Variants in POM121C observed in about 807,000 individuals in gnomAD.
POM121C encodes nuclear envelope pore membrane protein POM 121C.
POM121C carries 20 observed loss-of-function variants against 66.4 expected under a neutral mutation model. The observed-to-expected ratio is 0.30, with a 90% CI of 0.21 to 0.44. The LOEUF (loss-of-function observed/expected upper bound fraction) is 0.44. Among genes scored for constraint, POM121C ranks in the 20% least tolerant of loss-of-function variants. The pLI is 1.00. For missense variants in POM121C, 580 were observed against 1,225.7 expected (o/e 0.47, Z 7.87); for synonymous variants, 286 against 528.0 (o/e 0.54, Z 6.28).
In POM121C at chr7:75,483,977, C is replaced by T. The variant is rs192231863; in HGVS notation, c.-458+1887G>A. Among the ~76,000 whole-genome samples, 543 of 152,258 alleles carry T rather than the reference C, an allele frequency of 3.6e-3. 2 individuals are homozygous for T. The highest frequency in any genetic ancestry group is 5.8e-3 in the Non-Finnish European group (394 of 68,016). ...ATTAGCTGGGCATGGTGGCCCACGCCTGTAATCCCTGCTACTCAGGAGGCT... is the reference window on the plus strand; with the variant it reads ...ATTAGCTGGGCATGGTGGCCCACGCTTGTAATCCCTGCTACTCAGGAGGCT... On this transcript the variant is annotated intron_variant, in intron 1 of 14. Transcript: ENST00000615331.
Position 75,422,265 on chromosome 7 carries a change from A to AG in POM121C, c.1986dup (p.Ser663LeufsTer15), listed in dbSNP as rs1789752033. On this transcript the variant is annotated frameshift_variant, in exon 13 of 15. Transcript: ENST00000615331. LOFTEE classifies it high-confidence loss of function. Reference sequence around the variant, plus strand: ...GGCTGGCTGCTGGTGGCCGGGGCGGAGGTGGCGAGGGTGCTGCCAAAACCA... The same window carrying AG: ...GGCTGGCTGCTGGTGGCCGGGGCGGAGGGTGGCGAGGGTGCTGCCAAAACCA... 6.2e-7 allele frequency: 1 copy of AG among 1,610,916 alleles called. No homozygotes were observed. Among genetic ancestry groups the AG allele is most frequent in the Non-Finnish European group, 8.5e-7 (1 of 1,179,334 alleles).
chr7:75,475,842 AACTT>A (rs1554479286), intron 1 of POM121C, among the ~76,000 whole-genome samples: 1 of 152,152 alleles, frequency 6.6e-6, no homozygotes, highest in Non-Finnish European at 1.5e-5. Context: ...AAATTATTTT[AACTT>A]TATGCCATCA....
chr7:75,429,552 A>G (rs1390999718), intron 7 of POM121C, among the ~76,000 whole-genome samples: 1 of 151,986 alleles, frequency 6.6e-6, no homozygotes, highest in Non-Finnish European at 1.5e-5. Flanking sequence ...AATCACTTGA[A>G]CCCGGGAGGT....
intron 3 of POM121C, among the ~76,000 whole-genome samples, chr7:75,447,141 A>G (rs1584681590): frequency 6.8e-6 from 1 of 147,736 alleles, no homozygotes; most frequent in Non-Finnish European, 1.5e-5. Context: ...ATAACAACCA[A>G]TCAATCCTTA....
chr7:75,469,115 T>C (rs1452711590), intron 3 of POM121C, among the ~76,000 whole-genome samples: 3 of 151,790 alleles, frequency 2.0e-5, no homozygotes, highest in Non-Finnish European at 2.9e-5. Context: ...TTTTTTTTTT[T>C]CCTAGACAGG....
chr7:75,440,291 G>C (rs587679701), intron 5 of POM121C, among the ~76,000 whole-genome samples: 2 of 151,496 alleles, frequency 1.3e-5, no homozygotes, highest in Non-Finnish European at 2.9e-5. Flanking sequence ...TGGTGGGCCG[G>C]GCGCCATGGC....
chr7:75,433,727 C>G (rs1554472683), intron 7 of POM121C, among the ~76,000 whole-genome samples: 5 of 152,114 alleles, frequency 3.3e-5, no homozygotes, highest in South Asian at 2.1e-4. Flanking sequence ...TTATATAATT[C>G]CTTTGAGATC....
intron 3 of POM121C, among the ~76,000 whole-genome samples, chr7:75,466,133 A>G (rs2116497794): frequency 6.6e-6 from 1 of 151,502 alleles, no homozygotes; most frequent in Non-Finnish European, 1.5e-5. Flanking sequence ...CTTAAAAAAA[A>G]AACGTCAAAT....
rs782295788 is a variant in POM121C, at chr7:75,424,036, C to T, written c.1048+13G>A. On this transcript the variant is annotated intron_variant, in intron 12 of 14. Coordinates refer to ENST00000615331, the MANE Select transcript of POM121C (RefSeq NM_001099415.3). ...GCTCAGAAGGCTGGATCCACGGCCCCACTCCAGCTCACCTGGGCAGGGTGG... is the reference window on the plus strand; with the variant it reads ...GCTCAGAAGGCTGGATCCACGGCCCTACTCCAGCTCACCTGGGCAGGGTGG... 1.4e-5 allele frequency: 23 copies of T among 1,610,458 alleles called. No individual in the cohort carries two copies. The East Asian group carries it at 5.1e-4, about 36-fold the overall frequency.
At chr7:75,447,552 A>C (rs1446268045) in intron 3 of POM121C, among the ~76,000 whole-genome samples, 1 of 151,468 alleles carries the variant, frequency 6.6e-6, no homozygotes, top group Admixed American at 6.6e-5. Flanking sequence ...GAAGGCAAAA[A>C]CTGCAAACCT....
chr7:75,482,559 G>A (rs1304466723), intron 1 of POM121C, among the ~76,000 whole-genome samples: 3 of 152,164 alleles, frequency 2.0e-5, no homozygotes, highest in African/African-American at 7.2e-5. Flanking sequence ...GTGTGGCAGC[G>A]TGCACCTGTA....
intron 1 of POM121C, among the ~76,000 whole-genome samples, chr7:75,476,502 G>C (rs587726722): frequency 3.9e-5 from 6 of 152,172 alleles, no homozygotes; most frequent in Admixed American, 2.6e-4. Context: ...GATACAGCTA[G>C]GACCATGTAG....
At chr7:75,454,737 A>G (rs1198851697) in intron 3 of POM121C, among the ~76,000 whole-genome samples, 1 of 152,290 alleles carries the variant, frequency 6.6e-6, no homozygotes, top group East Asian at 1.9e-4. Flanking sequence ...CCATCTGCCC[A>G]TGACTTTCTC....
chr7:75,456,618 A>C (rs2462283), intron 3 of POM121C, among the ~76,000 whole-genome samples: 1 of 143,526 alleles, frequency 7.0e-6, no homozygotes, highest in Non-Finnish European at 1.6e-5. Context: ...TTGGGCTGGA[A>C]ATGGGGTTTT....
intron 3 of POM121C, chr7:75,442,774 C>A (rs1554474300): frequency 4.6e-6 from 6 of 1,298,938 alleles, no homozygotes; most frequent in Non-Finnish European, 5.9e-6. Context: ...CCGCGCCACG[C>A]GTCGCGTCAT....
chr7:75,444,837 TGTG>T (rs1554474558), intron 3 of POM121C, among the ~76,000 whole-genome samples: 1 of 137,292 alleles, frequency 7.3e-6, no homozygotes, highest in Non-Finnish European at 1.6e-5. Flanking sequence ...ATTTGCCTGG[TGTG>T]GTGGCATGTG....
Position 75,442,684 on chromosome 7 carries a change from C to T in POM121C, c.-151-1037G>A, listed in dbSNP as rs1275114922. The T allele has an allele frequency of 5.6e-6, 8 of 1,418,170 alleles. No individual in the cohort carries two copies. In the East Asian group the frequency reaches 9.1e-5, roughly 16 times the overall value. 87.8% of individuals were successfully genotyped at this position (1,418,170 alleles called of 1,614,324 possible). A position where few individuals can be genotyped will look rare whatever the true frequency, so the allele number is the denominator to read the frequency against. ...TGACACTCGCTATCGGCCGCCGCCG[C>T]TCGCCTGCTCCAGCCGCCGCAGCCG... is the stretch of plus-strand genomic sequence containing the variant. On this transcript the variant is annotated intron_variant, in intron 3 of 14. Coordinates refer to ENST00000615331, the MANE Select transcript of POM121C (RefSeq NM_001099415.3).
At chr7:75,434,368 A>AG (rs782530711) in intron 7 of POM121C, among the ~76,000 whole-genome samples, 41 of 149,854 alleles carry the variant, frequency 2.7e-4, no homozygotes, top group Non-Finnish European at 5.2e-4. Context: ...TCCGCCTTCC[A>AG]GGGTCGAGCA....
chr7:75,470,760 A>T (rs1186150600), intron 3 of POM121C, among the ~76,000 whole-genome samples: 1 of 151,902 alleles, frequency 6.6e-6, no homozygotes, highest in Non-Finnish European at 1.5e-5. Context: ...AGCCTCCTGA[A>T]TAGCTGGGAC....
Sources: allele counts gnomAD v4.1 joint callset (sites outside exome capture counted in the v4.1 genomes callset), GRCh38; gene constraint gnomAD v4.1.1; transcripts MANE v1.5; gene names NCBI Gene and HGNC (gene_info 2026-07-23, HGNC 2026-07-21).